STX8: variants seen among roughly 807,000 people sequenced by gnomAD.
The protein encoded by STX8 is syntaxin-8.
Under a neutral mutation model 37.5 loss-of-function variants are expected in STX8, and 23 were observed. The ratio of observed to expected loss-of-function variants is 0.61; its 90% CI spans 0.44 to 0.87. The LOEUF (loss-of-function observed/expected upper bound fraction) is 0.87, where lower values mean the gene tolerates loss of function less well. Among genes scored for constraint, STX8 ranks in the 40% least tolerant of loss-of-function variants. The pLI is 0.00. For missense variants in STX8, 313 were observed against 284.7 expected (o/e 1.10, Z -0.71); for synonymous variants, 115 against 99.1 (o/e 1.16, Z -0.95).
At chr17:9,544,535 A>C (rs1396817225) in intron 4 of STX8, among the ~76,000 whole-genome samples, 1 of 152,070 alleles carries the variant, frequency 6.6e-6, no homozygotes, top group Non-Finnish European at 1.5e-5. Flanking sequence ...CTTTGCCCAC[A>C]CAGAGAAGTA....
At chr17:9,539,815 T>C (rs1906204848) in intron 4 of STX8, among the ~76,000 whole-genome samples, 1 of 152,130 alleles carries the variant, frequency 6.6e-6, no homozygotes, top group Non-Finnish European at 1.5e-5. Context: ...TCATTGGAGA[T>C]ACTACAGAAA....
chr17:9,505,108 A>G lies in STX8; in HGVS notation c.378T>C (p.Phe126=). ...AKRGAPNPWL[F]EEPEETRGLG... is the part of the protein sequence containing the mutation. Reference sequence around the variant, plus strand: ...AGCCTCTGGTCTCCTCTGGCTCCTCAAAGAGCCAAGGGTTGGGTGCTCCTC... The same window carrying G: ...AGCCTCTGGTCTCCTCTGGCTCCTCGAAGAGCCAAGGGTTGGGTGCTCCTC... The change falls in exon 5 of 8, where the codon TTT becomes TTC. Residue 126 remains phenylalanine (F), a synonymous_variant. Transcript: ENST00000306357. The G allele has an allele frequency of 6.2e-7, 1 of 1,613,916 alleles. No homozygotes were observed. The highest frequency in any genetic ancestry group is 8.5e-7 in the Non-Finnish European group (1 of 1,179,968).
At chr17:9,423,976 C>G (rs1290880548) in intron 6 of STX8, among the ~76,000 whole-genome samples, 3 of 152,208 alleles carry the variant, frequency 2.0e-5, no homozygotes, top group Non-Finnish European at 4.4e-5. Flanking sequence ...TAGGCTTCGG[C>G]ACACAAGTCA....
intron 7 of STX8, among the ~76,000 whole-genome samples, chr17:9,258,186 A>G (rs1028411051): frequency 2.0e-5 from 3 of 152,206 alleles, no homozygotes; most frequent in Non-Finnish European, 4.4e-5. Context: ...TTGCTTATGT[A>G]TTAACCAGTG....
intron 7 of STX8, among the ~76,000 whole-genome samples, chr17:9,314,960 G>T (rs1016702515): frequency 6.6e-6 from 1 of 151,518 alleles, no homozygotes; most frequent in Non-Finnish European, 1.5e-5. Flanking sequence ...ACATTAGCCA[G>T]TCGTGGTGGC....
intron 6 of STX8, among the ~76,000 whole-genome samples, chr17:9,425,884 G>A (rs370271379): frequency 9.9e-5 from 15 of 152,094 alleles, no homozygotes; most frequent in Admixed American, 8.5e-4. Context: ...AGGCTTGGAC[G>A]TCTACAGATG....
At chr17:9,375,597 C>G (rs1371927861) in intron 7 of STX8, among the ~76,000 whole-genome samples, 2 of 152,076 alleles carry the variant, frequency 1.3e-5, no homozygotes, top group Non-Finnish European at 2.9e-5. Context: ...GTAACGAGAG[C>G]TAATACCAGT....
chr17:9,530,196 A>T (rs1905759221), intron 4 of STX8, among the ~76,000 whole-genome samples: 1 of 151,966 alleles, frequency 6.6e-6, no homozygotes, highest in Admixed American at 6.6e-5. Context: ...CTGTAGTCCC[A>T]GCAACTCGGG....
At chr17:9,275,508 A>G (rs1021109393) in intron 7 of STX8, among the ~76,000 whole-genome samples, 18 of 152,152 alleles carry the variant, frequency 1.2e-4, no homozygotes, top group African/African-American at 4.1e-4. Context: ...CAGACTGTCT[A>G]GCTACTGAAC....
At chr17:9,358,247 T>C (rs1474992675) in intron 7 of STX8, among the ~76,000 whole-genome samples, 1 of 152,156 alleles carries the variant, frequency 6.6e-6, no homozygotes, top group African/African-American at 2.4e-5. Flanking sequence ...TAGTTTCAGC[T>C]ACAGGGGACG....
At chr17:9,542,460 G>A (rs1597732767) in intron 4 of STX8, among the ~76,000 whole-genome samples, 1 of 151,982 alleles carries the variant, frequency 6.6e-6, no homozygotes, top group South Asian at 2.1e-4. Context: ...GGCAGATCAC[G>A]AGGTCAGGAA....
At chr17:9,328,317 G>GA (rs1567785524) in intron 7 of STX8, among the ~76,000 whole-genome samples, 1 of 152,084 alleles carries the variant, frequency 6.6e-6, no homozygotes. Flanking sequence ...CTGTCTTGGG[G>GA]AAAAGGGAAG....
intron 6 of STX8, among the ~76,000 whole-genome samples, chr17:9,439,974 T>C (rs927232383): frequency 6.6e-6 from 1 of 152,100 alleles, no homozygotes; most frequent in Non-Finnish European, 1.5e-5. Flanking sequence ...CAAAGGGTAT[T>C]CTGCAATTAA....
intron 7 of STX8, among the ~76,000 whole-genome samples, chr17:9,298,916 A>G (rs1908664773): frequency 6.6e-6 from 1 of 152,232 alleles, no homozygotes; most frequent in African/African-American, 2.4e-5. Flanking sequence ...GGCTCTTCTA[A>G]GTAGCAGCAG....
At chr17:9,259,807 T>TTG (rs1429427183) in intron 7 of STX8, among the ~76,000 whole-genome samples, 1 of 151,992 alleles carries the variant, frequency 6.6e-6, no homozygotes, top group African/African-American at 2.4e-5. Flanking sequence ...GCACCCGACT[T>TTG]TATAACACAT....
intron 7 of STX8, among the ~76,000 whole-genome samples, chr17:9,306,267 A>T (rs1908980965): frequency 6.6e-6 from 1 of 152,142 alleles, no homozygotes; most frequent in Non-Finnish European, 1.5e-5. Context: ...TCACACAACA[A>T]AATCACTTAA....
chr17:9,480,187 C>A lies in STX8; in HGVS notation c.541+11642G>T, dbSNP rs141046377. ...GCCTCCCTGATGAGAACAAATACTC[C>A]AGGAGGGGAAGGAGCCGTGACAACA... On this transcript the variant is annotated intron_variant, in intron 6 of 7. Transcript: ENST00000306357. 2.5e-3 allele frequency among the ~76,000 whole-genome samples: 381 copies of A among 152,216 alleles called. 1 individual carries two copies. The highest frequency in any genetic ancestry group is 4.1e-3 in the Non-Finnish European group (276 of 68,026).
chr17:9,459,791 A>C (rs1045761567), intron 6 of STX8, among the ~76,000 whole-genome samples: 1 of 152,384 alleles, frequency 6.6e-6, no homozygotes, highest in Non-Finnish European at 1.5e-5. Flanking sequence ...CTCGGATTAC[A>C]GGAGTGAACC....
chr17:9,501,339 A>G (rs894234269), intron 5 of STX8, among the ~76,000 whole-genome samples: 4 of 152,228 alleles, frequency 2.6e-5, no homozygotes, highest in Non-Finnish European at 5.9e-5. Context: ...TAATTAATAC[A>G]GTGAGGCATT....
Sources: gnomAD v4.1 joint callset for allele counts (sites outside exome capture counted in the v4.1 genomes callset) on GRCh38, gnomAD v4.1.1 for gene constraint, MANE v1.5 for transcripts, NCBI Gene and HGNC (gene_info 2026-07-23, HGNC 2026-07-21) for gene names.